The following KCTD10 variants were observed in gnomAD, a reference collection of about 807,000 sequenced individuals.
KCTD10 encodes BTB/POZ domain-containing adapter for CUL3-mediated RhoA degradation protein 3.
Under a neutral mutation model 34.6 loss-of-function variants are expected in KCTD10, and 13 were observed. That is an observed-to-expected ratio of 0.38 (90% CI 0.24 to 0.60). The LOEUF (loss-of-function observed/expected upper bound fraction) is 0.60, where lower values mean the gene tolerates loss of function less well. KCTD10 is among the 20% of genes least tolerant of loss of function. The pLI, the probability that KCTD10 is intolerant of heterozygous loss-of-function variation, is 0.66. For synonymous variants in KCTD10, 156 were observed against 168.8 expected (o/e 0.92, Z 0.59); for missense variants, 256 against 420.3 (o/e 0.61, Z 3.42).
At chr12:109,470,043 G>C (rs1021597510) in intron 1 of KCTD10, 1 of 1,157,536 alleles carries the variant, frequency 8.6e-7, no homozygotes, top group Non-Finnish European at 1.1e-6. Context: ...CACTGACCCT[G>C]CCTGTCGACC....
chr12:109,456,631 A>G, intron 5 of KCTD10: 1 of 409,076 alleles, frequency 2.4e-6, no homozygotes, highest in Non-Finnish European at 4.6e-6. Context: ...CACCAGGTGG[A>G]GGAGAGCACC....
rs180980140 is a variant in KCTD10 at position 109,469,431 on chromosome 12, C to T, written c.217+84G>A. On this transcript the variant is annotated intron_variant, in intron 2 of 6. Transcript: ENST00000228495. ...CTGCCTCCTACACATCTTCAGGTCT[C>T]GACTTAAATGTCACTTCTTCAGGGA... 43 of 1,516,606 alleles carry T rather than the reference C, an allele frequency of 2.8e-5. No homozygotes were observed. The Admixed American group carries it at 6.3e-4, about 22-fold the overall frequency. The allele number at this position is 1,516,606 out of a possible 1,614,324, so 93.9% of individuals were successfully genotyped here.
Position 109,451,362 on chromosome 12 carries a change from C to G in KCTD10, c.*233G>C, listed in dbSNP as rs1262603973. The G allele has an allele frequency of 6.2e-6, 3 of 486,488 alleles. No homozygotes were observed. The highest frequency in any genetic ancestry group is 1.1e-5 in the Non-Finnish European group (3 of 278,154). 30.1% of individuals were successfully genotyped at this position (486,488 alleles called of 1,614,324 possible). On this transcript the variant is annotated 3_prime_UTR_variant, in exon 7 of 7. Transcript: ENST00000228495. The surrounding 1 kb of genome is among the most constrained non-coding windows in gnomAD (Gnocchi z 5.0). ...CTGGCTCCAAAGAGTCTCAGATTCT[C>G]ATGAAAAGTAGAGATCTTAGACACA...
At chr12:109,469,921 G>C in intron 1 of KCTD10, 193 bp from the exon 2 acceptor site, 14 of 1,289,558 alleles carry the variant, frequency 1.1e-5, no homozygotes, top group Non-Finnish European at 1.4e-5. Context: ...TAAAATCAGA[G>C]GCCAACTGGG....
intron 6 of KCTD10, among the ~76,000 whole-genome samples, chr12:109,452,096 T>G (rs1437063641): frequency 1.3e-5 from 2 of 152,212 alleles, no homozygotes; most frequent in Non-Finnish European, 2.9e-5. Context: ...ATTCTGTGCA[T>G]GTAAATATGT....
At position 109,457,723 on chromosome 12, in the gene KCTD10, C is replaced by T. The variant is rs374242009; in HGVS notation, c.475-41G>A. The T allele has an allele frequency of 7.3e-5, 117 of 1,597,458 alleles. 1 individual carries two copies. In the African/African-American group the frequency reaches 1.4e-3, roughly 19 times the overall value. ...AAAGAAGAAGAAGAGAGTTACTTGGCAGGCAGATGCAATGAACTACTAGCT... is the reference window on the plus strand; with the variant it reads ...AAAGAAGAAGAAGAGAGTTACTTGGTAGGCAGATGCAATGAACTACTAGCT... On this transcript the variant is annotated intron_variant, in intron 4 of 6. Coordinates refer to ENST00000228495, the MANE Select transcript of KCTD10 (RefSeq NM_031954.5).
In KCTD10 at chr12:109,460,476, G is replaced by C; in HGVS notation, c.387+160C>G. 1.4e-6 allele frequency: 1 copy of C among 705,396 alleles called. No individual in the cohort carries two copies. The allele number at this position is 705,396 out of a possible 1,614,324, so 43.7% of individuals were successfully genotyped here. On this transcript the variant is annotated intron_variant, in intron 3 of 6. Coordinates refer to ENST00000228495, the MANE Select transcript of KCTD10 (RefSeq NM_031954.5). This position sits in a 1 kb window ranked among gnomAD's most constrained non-coding sequence, Gnocchi z 4.5. The stretch of plus-strand genomic sequence containing the variant: ...GCTGTTCCAGGGAGGCCTCTCAGGG[G>C]TCACTCCAACCGAAGGAATCGGGCT...
chr12:109,472,893 C>A (rs548664492), intron 1 of KCTD10, among the ~76,000 whole-genome samples: 38 of 152,312 alleles, frequency 2.5e-4, no homozygotes, highest in Middle Eastern at 3.4e-3. Flanking sequence ...ATGAAGTATA[C>A]TTTAAGTGTA....
Position 109,449,314 on chromosome 12 carries a change from G to GACTC in KCTD10, c.*2277_*2280dup, listed in dbSNP as rs1174014045. 6.6e-6 allele frequency: 1 copy of GACTC among 152,216 alleles called. No individual in the cohort carries two copies. Among genetic ancestry groups the GACTC allele is most frequent in the East Asian group, 1.9e-4 (1 of 5,198 alleles). 9.4% of individuals were successfully genotyped at this position (152,216 alleles called of 1,614,324 possible). ...CCTGTTCATATTCCAGAGAGACAAAGACTCAAAACTACAAGTGCAAAGTTG... is the reference window on the plus strand; with the variant it reads ...CCTGTTCATATTCCAGAGAGACAAAGACTCACTCAAAACTACAAGTGCAAAGTTG... On this transcript the variant is annotated 3_prime_UTR_variant, in exon 7 of 7. Transcript: ENST00000228495.
intron 6 of KCTD10, 132 bp downstream of exon 6, chr12:109,455,986 A>T: frequency 1.2e-6 from 1 of 869,344 alleles, no homozygotes; most frequent in Non-Finnish European, 1.8e-6. Flanking sequence ...TAAATATTTT[A>T]AGGATGAGCA....
chr12:109,462,605 C>A (rs1256551358), intron 2 of KCTD10, among the ~76,000 whole-genome samples: 1 of 152,188 alleles, frequency 6.6e-6, no homozygotes, highest in African/African-American at 2.4e-5. Context: ...TAAATGAGTG[C>A]AGCTGGGCGG....
chr12:109,466,132 G>A (rs1304178010), intron 2 of KCTD10, among the ~76,000 whole-genome samples: 1 of 152,148 alleles, frequency 6.6e-6, no homozygotes, highest in African/African-American at 2.4e-5. Context: ...CAGTGTCCTT[G>A]TCTTCTCAGA....
intron 6 of KCTD10, 122 bp downstream of exon 6, chr12:109,455,996 A>G: frequency 1.1e-6 from 1 of 942,448 alleles, no homozygotes. Flanking sequence ...AAGGATGAGC[A>G]ATCACAAGGC....
At chr12:109,461,051 C>T (rs1030858412) in intron 2 of KCTD10, among the ~76,000 whole-genome samples, 1 of 152,184 alleles carries the variant, frequency 6.6e-6, no homozygotes, top group East Asian at 1.9e-4. Context: ...TTAGACATCC[C>T]GACTCTTGAG....
chr12:109,470,750 C>A, intron 1 of KCTD10: 1 of 250,298 alleles, frequency 4.0e-6, no homozygotes, highest in Non-Finnish European at 6.3e-6. Context: ...CAGACAAAAA[C>A]ATAAACATTA....
intron 1 of KCTD10, among the ~76,000 whole-genome samples, chr12:109,474,341 T>C (rs1485954434): frequency 1.3e-5 from 2 of 152,222 alleles, no homozygotes; most frequent in Non-Finnish European, 1.5e-5. Flanking sequence ...AGATACTGGC[T>C]ACGGATCTGA....
In KCTD10 at chr12:109,449,070, G is replaced by A. The variant is rs896434333; in HGVS notation, c.*2525C>T. The A allele has an allele frequency of 3.9e-5, 6 of 152,308 alleles. No homozygotes were observed. Among genetic ancestry groups the A allele is most frequent in the African/African-American group, 1.4e-4 (6 of 41,536 alleles). 9.4% of individuals were successfully genotyped at this position (152,308 alleles called of 1,614,324 possible). A position where few individuals can be genotyped will look rare whatever the true frequency, so the allele number is the denominator to read the frequency against. ...CTGTTCCAATTTGTAAAAAACTGTA[G>A]TTATTACATTGCAATGAAATCTCTT... On this transcript the variant is annotated 3_prime_UTR_variant, in exon 7 of 7. Coordinates refer to ENST00000228495, the MANE Select transcript of KCTD10 (RefSeq NM_031954.5).
chr12:109,471,152 T>C (rs1873866638), intron 1 of KCTD10: 9 of 985,488 alleles, frequency 9.1e-6, no homozygotes, highest in Non-Finnish European at 1.1e-5. Flanking sequence ...TTGTCTAGCT[T>C]TTCCAGATTT....
chr12:109,457,507 A>G lies in KCTD10; in HGVS notation c.527+123T>C, dbSNP rs141538699. On this transcript the variant is annotated intron_variant, in intron 5 of 6. Transcript: ENST00000228495. ...CCTGTATCCATCTGTCTACTTATCTATCCAGGCAGAGAGGTACAGAGGGGT... is the reference window on the plus strand; with the variant it reads ...CCTGTATCCATCTGTCTACTTATCTGTCCAGGCAGAGAGGTACAGAGGGGT... 26 of 772,252 alleles carry G rather than the reference A, an allele frequency of 3.4e-5. No individual in the cohort carries two copies. The African/African-American group carries it at 4.0e-4, about 12-fold the overall frequency. 47.8% of individuals were successfully genotyped at this position (772,252 alleles called of 1,614,324 possible).
Sources: allele counts gnomAD v4.1 joint callset (sites outside exome capture counted in the v4.1 genomes callset), GRCh38; gene constraint gnomAD v4.1.1; non-coding constraint Gnocchi (gnomAD v3.1); transcripts MANE v1.5; gene names NCBI Gene and HGNC (gene_info 2026-07-23, HGNC 2026-07-21).